Variants in LIMD1 observed in about 807,000 individuals in gnomAD.
LIMD1 encodes the protein LIM domain containing 1.
LIMD1 carries 23 observed loss-of-function variants against 58.4 expected under a neutral mutation model. The ratio of observed to expected loss-of-function variants is 0.39; its 90% confidence interval spans 0.28 to 0.56. The LOEUF is 0.56. Ranked by LOEUF, LIMD1 falls within the 20% of genes least tolerant of loss-of-function variation. The pLI is 0.57. For synonymous variants in LIMD1, 334 were observed against 345.5 expected (o/e 0.97, Z 0.37); for missense variants, 838 against 855.5 (o/e 0.98, Z 0.25).
intron 2 of LIMD1, among the ~76,000 whole-genome samples, chr3:45,660,728 T>G (rs571240363): frequency 6.6e-6 from 1 of 152,254 alleles, no homozygotes; most frequent in South Asian, 2.1e-4. Context: ...GTGGGCTGTT[T>G]GTGTTCCTCG....
intron 1 of LIMD1, among the ~76,000 whole-genome samples, chr3:45,630,349 G>T (rs2125656657): frequency 6.6e-6 from 1 of 152,292 alleles, no homozygotes; most frequent in South Asian, 2.1e-4. Context: ...TTTCTACAAG[G>T]GCATGGCCAC....
intron 1 of LIMD1, among the ~76,000 whole-genome samples, chr3:45,614,684 C>T (rs1390123173): frequency 6.6e-6 from 1 of 151,178 alleles, no homozygotes. Flanking sequence ...GATCACACCA[C>T]TGCATTCCAG....
chr3:45,615,224 G>T (rs1701565404), intron 1 of LIMD1, among the ~76,000 whole-genome samples: 1 of 152,326 alleles, frequency 6.6e-6, no homozygotes. Context: ...ACCAAATTAT[G>T]TGGGGAGGCT....
intron 1 of LIMD1, chr3:45,635,936 T>A (rs1003533058): frequency 3.0e-6 from 3 of 985,064 alleles, no homozygotes; most frequent in Non-Finnish European, 2.4e-6. Context: ...GCAGGGAAAG[T>A]GGGACCTAAA....
In LIMD1 at chr3:45,595,239, C is replaced by T. The variant is rs549779632; in HGVS notation, c.360C>T (p.Leu120=). 39 of 1,603,900 alleles carry T rather than the reference C, an allele frequency of 2.4e-5. No homozygotes were observed. Among genetic ancestry groups the T allele is most frequent in the Admixed American group, 3.4e-5 (2 of 59,682 alleles). Reference sequence around the variant, plus strand: ...GGGCACCTGGGGCAGTCACCACCCTCGCTGCTGGGCAGCCCCCGTACCCAC... The same window carrying T: ...GGGCACCTGGGGCAGTCACCACCCTTGCTGCTGGGCAGCCCCCGTACCCAC... ...STGAPGAVTT[L]AAGQPPYPPQ... Residue 120 remains leucine (L), a synonymous_variant, in exon 1 of 8, where the codon CTC becomes CTT. Coordinates refer to ENST00000273317, the MANE Select transcript of LIMD1 (RefSeq NM_014240.3).
rs1430426433 is a variant in LIMD1 at position 45,674,393 on chromosome 3, G to A, written c.1875G>A (p.Val625=). The change falls in exon 7 of 8, where the codon GTG becomes GTA. Residue 625 remains valine (V), a synonymous_variant. Coordinates refer to ENST00000273317, the MANE Select transcript of LIMD1 (RefSeq NM_014240.3). ...TGTCCATGGACAGAGACTACCACGT[G>A]GAGTGTTACCACTGCGAGGTAGACC... ...RVVSMDRDYH[V]ECYHCEDCGL... 6.2e-7 allele frequency: 1 copy of A among 1,613,750 alleles called. No homozygotes were observed. Among genetic ancestry groups the A allele is most frequent in the Non-Finnish European group, 8.5e-7 (1 of 1,179,774 alleles).
chr3:45,683,696 T>C lies in LIMD1; in HGVS notation c.*6637T>C, dbSNP rs1175597907. The C allele has an allele frequency of 6.6e-6, 1 of 152,246 alleles. No individual in the cohort carries two copies. Among genetic ancestry groups the C allele is most frequent in the East Asian group, 1.9e-4 (1 of 5,202 alleles). 9.4% of individuals were successfully genotyped at this position (152,246 alleles called of 1,614,324 possible). A position where few individuals can be genotyped will look rare whatever the true frequency, so the allele number is the denominator to read the frequency against. On this transcript the variant is annotated 3_prime_UTR_variant, in exon 8 of 8. Coordinates refer to ENST00000273317, the MANE Select transcript of LIMD1 (RefSeq NM_014240.3). The stretch of plus-strand genomic sequence containing the variant: ...CACCAAGTAACCAATGGGAAACCTC[T>C]AGAGGGTATTTAAATCCCAGAAAAT...
chr3:45,626,354 G>A (rs1701668047), intron 1 of LIMD1, among the ~76,000 whole-genome samples: 1 of 152,108 alleles, frequency 6.6e-6, no homozygotes, highest in African/African-American at 2.4e-5. Flanking sequence ...GTAGATGACT[G>A]CATCAATAAA....
At chr3:45,628,028 A>T (rs1025567005) in intron 1 of LIMD1, among the ~76,000 whole-genome samples, 1 of 151,200 alleles carries the variant, frequency 6.6e-6, no homozygotes, top group Admixed American at 6.6e-5. Flanking sequence ...AAGAAAAAAG[A>T]ATATATGAAC....
chr3:45,594,797 A>ACACACACACACACG lies in LIMD1; in HGVS notation c.-70_-69insGCACACACACACAC. The stretch of plus-strand genomic sequence containing the variant: ...GCCCTCAACACACACACACACACAC[A>ACACACACACACACG]CACACACACACACACACACACACAC... On this transcript the variant is annotated 5_prime_UTR_variant, in exon 1 of 8. Transcript: ENST00000273317. 6 of 129,654 alleles carry ACACACACACACACG rather than the reference A, an allele frequency of 4.6e-5. No homozygotes were observed. The highest frequency in any genetic ancestry group is 1.3e-5 in the Non-Finnish European group (1 of 74,730). The allele number at this position is 129,654 out of a possible 1,614,324, so 8.0% of individuals were successfully genotyped here.
chr3:45,671,507 T>TC (rs1278982517), intron 4 of LIMD1, among the ~76,000 whole-genome samples: 2 of 152,246 alleles, frequency 1.3e-5, no homozygotes, highest in Non-Finnish European at 2.9e-5. Context: ...TCATGTTGAT[T>TC]CTGTAGTTCA....
At position 45,639,590 on chromosome 3, in the gene LIMD1, C is replaced by T. The variant is rs557022252; in HGVS notation, c.1510+3339C>T. 1.9e-4 allele frequency among the ~76,000 whole-genome samples: 29 copies of T among 152,294 alleles called. No homozygotes were observed. The Middle Eastern group carries it at 0.01, about 54-fold the overall frequency. ...CCTTTATAAGGGCACTAATCCCATT[C>T]CTGAGCGTTCCACCTCATGAGAATC... On this transcript the variant is annotated intron_variant, in intron 2 of 7. Coordinates refer to ENST00000273317, the MANE Select transcript of LIMD1 (RefSeq NM_014240.3).
intron 1 of LIMD1, among the ~76,000 whole-genome samples, chr3:45,601,207 A>G (rs1474045232): frequency 1.3e-5 from 2 of 152,340 alleles, no homozygotes; most frequent in Non-Finnish European, 2.9e-5. Context: ...AAGATGGAGA[A>G]GGAATCAGGA....
At chr3:45,648,004 T>G (rs183584695) in intron 2 of LIMD1, among the ~76,000 whole-genome samples, 6 of 151,880 alleles carry the variant, frequency 4.0e-5, no homozygotes, top group African/African-American at 1.5e-4. Flanking sequence ...TTGGGTCCCA[T>G]GTGCACCCTT....
intron 2 of LIMD1, among the ~76,000 whole-genome samples, chr3:45,638,121 T>A (rs4683132): frequency 1 from 152,290 of 152,290 alleles, 76,145 homozygotes; most frequent in Non-Finnish European, 1. Context: ...GCAATCTATT[T>A]AGCAAATTGA....
At chr3:45,629,666 G>C (rs1239223323) in intron 1 of LIMD1, among the ~76,000 whole-genome samples, 1 of 152,160 alleles carries the variant, frequency 6.6e-6, no homozygotes, top group Non-Finnish European at 1.5e-5. Context: ...GCTGCTGGAC[G>C]GCGAGAGGAA....
At chr3:45,649,550 G>A (rs1405976149) in intron 2 of LIMD1, among the ~76,000 whole-genome samples, 2 of 150,636 alleles carry the variant, frequency 1.3e-5, no homozygotes, top group East Asian at 1.9e-4. Flanking sequence ...GCATGGTGGC[G>A]GGTGCCTGTA....
At chr3:45,598,156 C>T (rs1701375728) in intron 1 of LIMD1, among the ~76,000 whole-genome samples, 2 of 151,872 alleles carry the variant, frequency 1.3e-5, no homozygotes, top group South Asian at 4.1e-4. Flanking sequence ...GGGGGGTCCT[C>T]TCTAGGTTGC....
At chr3:45,640,752 T>C (rs116320939) in intron 2 of LIMD1, among the ~76,000 whole-genome samples, 4,605 of 152,280 alleles carry the variant, frequency 0.03, 74 homozygotes, top group Non-Finnish European at 0.041. Context: ...ATTACATAGA[T>C]GGTGAACCTC....
Sources: gnomAD v4.1 joint callset for allele counts (sites outside exome capture counted in the v4.1 genomes callset) on GRCh38, gnomAD v4.1.1 for gene constraint, MANE v1.5 for transcripts, NCBI Gene and HGNC (gene_info 2026-07-23, HGNC 2026-07-21) for gene names.